The following CPNE8 variants were observed in gnomAD, a reference collection of about 807,000 sequenced individuals.
CPNE8 encodes copine 8, also known as copine-8.
Under a neutral mutation model 81.5 loss-of-function variants are expected in CPNE8, and 45 were observed. That is an observed-to-expected ratio of 0.55 (90% CI 0.44 to 0.71). CPNE8 has a LOEUF of 0.71. Among genes scored for constraint, CPNE8 ranks in the 30% least tolerant of loss-of-function variants. The probability of loss-of-function intolerance (pLI) is 0.00; values close to 1 mark genes in which losing one functional copy is unlikely to be tolerated. For missense variants in CPNE8, 594 were observed against 672.1 expected (o/e 0.88, Z 1.28); for synonymous variants, 252 against 226.3 (o/e 1.11, Z -1.02).
chr12:38,687,983 A>G (rs1169433834), intron 15 of CPNE8, among the ~76,000 whole-genome samples: 1 of 152,200 alleles, frequency 6.6e-6, no homozygotes, highest in Non-Finnish European at 1.5e-5. Context: ...CCTATTTAAC[A>G]TTCCTTTAAG....
chr12:38,906,611 A>C, upstream of CPNE8: 2 of 985,526 alleles, frequency 2.0e-6, no homozygotes, highest in Non-Finnish European at 2.4e-6. Context: ...GAGAGGAGTC[A>C]GAGTGAGCGC....
chr12:38,787,220 T>G (rs532386045), intron 6 of CPNE8, among the ~76,000 whole-genome samples: 1 of 152,114 alleles, frequency 6.6e-6, no homozygotes, highest in East Asian at 1.9e-4. Flanking sequence ...AAAACAAGTC[T>G]AAAAACATTC....
At chr12:38,763,154 G>C (rs1371571392) in intron 8 of CPNE8, among the ~76,000 whole-genome samples, 1 of 152,254 alleles carries the variant, frequency 6.6e-6, no homozygotes, top group Non-Finnish European at 1.5e-5. Flanking sequence ...ACTGTGCCCA[G>C]CCGGGAGCAA....
At chr12:38,711,538 G>A (rs1053002361) in intron 13 of CPNE8, among the ~76,000 whole-genome samples, 1 of 150,626 alleles carries the variant, frequency 6.6e-6, no homozygotes, top group South Asian at 2.1e-4. Context: ...GCGCAATCTC[G>A]GCTCACTGCA....
intron 10 of CPNE8, among the ~76,000 whole-genome samples, chr12:38,748,592 C>T (rs1160359698): frequency 6.6e-6 from 1 of 152,032 alleles, no homozygotes; most frequent in Non-Finnish European, 1.5e-5. Flanking sequence ...GCTCTGCCTC[C>T]CTGGTTCATG....
At chr12:38,673,861 G>T (rs556506928) in intron 18 of CPNE8, among the ~76,000 whole-genome samples, 1 of 152,172 alleles carries the variant, frequency 6.6e-6, no homozygotes, top group Admixed American at 6.6e-5. Context: ...ATTTCTCTCG[G>T]TGGCATGCTT....
Position 38,791,360 on chromosome 12 carries a change from A to G in CPNE8, c.408-15059T>C, listed in dbSNP as rs562837045. Among the ~76,000 whole-genome samples the G allele has an allele frequency of 4.6e-5, 7 of 151,756 alleles. No homozygotes were observed. The South Asian group carries it at 1.4e-3, about 31-fold the overall frequency. ...AAACACAGACTAAAATGGACCATAT[A>G]CTATGTTATAGAATAGTTATTAAAA... On this transcript the variant is annotated intron_variant, in intron 6 of 19. Transcript: ENST00000331366.
rs1340978732 is a variant in CPNE8 at position 38,905,443 on chromosome 12, G to C, written c.92C>G (p.Ser31Cys). The C allele has an allele frequency of 6.4e-7, 1 of 1,563,910 alleles. No homozygotes were observed. Among genetic ancestry groups the C allele is most frequent in the East Asian group, 2.4e-5 (1 of 42,484 alleles). The change falls in exon 1 of 20, where the codon TCC becomes TGC. Residue 31 changes from serine to cysteine, a missense_variant. By Grantham distance (112) the Ser-to-Cys change is moderately radical. Transcript: ENST00000331366. ...IPATRVEVSV[S>C]CRNLLDRDTF... ...GGAAGGGCTGCGTCCTCACCTGCAGGACACGGACACCTCCACCCGCGTGGC... is the reference window on the plus strand; with the variant it reads ...GGAAGGGCTGCGTCCTCACCTGCAGCACACGGACACCTCCACCCGCGTGGC...
At position 38,769,353 on chromosome 12, in the gene CPNE8, A is replaced by AACCTCAT. The variant is rs1365166202; in HGVS notation, c.472-1616_472-1615insATGAGGT. Among the ~76,000 whole-genome samples, 61 of 152,338 alleles carry AACCTCAT rather than the reference A, an allele frequency of 4.0e-4. No homozygotes were observed. The East Asian group carries it at 0.011, about 28-fold the overall frequency. On this transcript the variant is annotated intron_variant, in intron 7 of 19. Transcript: ENST00000331366. ...CAATATGGACATCACTATCACCTCA[A>AACCTCAT]ACCTCTCAAGCATATCATGTTCTTT...
intron 7 of CPNE8, among the ~76,000 whole-genome samples, chr12:38,770,204 C>G (rs543994357): frequency 6.6e-6 from 1 of 152,340 alleles, no homozygotes; most frequent in East Asian, 1.9e-4. Flanking sequence ...ATCTGAACAT[C>G]TAACGTCTAT....
intron 2 of CPNE8, 119 bp downstream of exon 2, chr12:38,874,352 G>T: frequency 1.4e-6 from 1 of 719,530 alleles, no homozygotes; most frequent in African/African-American, 1.8e-5. Context: ...TGTAGGGCTT[G>T]GGACCATTCT....
At chr12:38,884,690 T>A (rs1432795409) in intron 1 of CPNE8, among the ~76,000 whole-genome samples, 2 of 152,176 alleles carry the variant, frequency 1.3e-5, no homozygotes, top group Non-Finnish European at 1.5e-5. Context: ...TCCTCTCCAA[T>A]GTTATTGTCA....
At chr12:38,726,526 A>AAGGT (rs1385585243) in intron 11 of CPNE8, 1 of 152,174 alleles carries the variant, frequency 6.6e-6, no homozygotes, top group Admixed American at 6.5e-5. Context: ...TTGGAGGAGA[A>AAGGT]AGGTAATGTT....
At chr12:38,796,177 C>T (rs1447934267) in intron 6 of CPNE8, among the ~76,000 whole-genome samples, 1 of 152,072 alleles carries the variant, frequency 6.6e-6, no homozygotes, top group African/African-American at 2.4e-5. Context: ...ATTCCAGCTA[C>T]TTGGGAGGCT....
At chr12:38,709,098 T>C (rs1373147347) in intron 13 of CPNE8, among the ~76,000 whole-genome samples, 1 of 152,206 alleles carries the variant, frequency 6.6e-6, no homozygotes, top group Non-Finnish European at 1.5e-5. Flanking sequence ...ATTCTTTCTA[T>C]ATTGGTACCA....
chr12:38,780,203 TA>T (rs1942021082), intron 6 of CPNE8, among the ~76,000 whole-genome samples: 1 of 152,060 alleles, frequency 6.6e-6, no homozygotes, highest in South Asian at 2.1e-4. Flanking sequence ...GGTTCCCTTG[TA>T]AAAAATCAGT....
At chr12:38,728,621 G>A (rs1412538180) in intron 11 of CPNE8, among the ~76,000 whole-genome samples, 1 of 151,988 alleles carries the variant, frequency 6.6e-6, no homozygotes, top group Admixed American at 6.6e-5. Context: ...AGAACCATGG[G>A]ACACCATTAA....
chr12:38,791,125 C>T (rs996308419), intron 6 of CPNE8, among the ~76,000 whole-genome samples: 4 of 151,620 alleles, frequency 2.6e-5, no homozygotes, highest in African/African-American at 4.8e-5. Context: ...TAATTTTAAA[C>T]TTATTAAATA....
intron 6 of CPNE8, among the ~76,000 whole-genome samples, chr12:38,782,563 A>C (rs1592083697): frequency 6.6e-6 from 1 of 152,210 alleles, no homozygotes; most frequent in Admixed American, 6.5e-5. Flanking sequence ...ACTCAGAAAG[A>C]AAGACCTAGA....
Sources: gnomAD v4.1 joint callset for allele counts (sites outside exome capture counted in the v4.1 genomes callset) on GRCh38, gnomAD v4.1.1 for gene constraint, MANE v1.5 for transcripts, NCBI Gene and HGNC (gene_info 2026-07-23, HGNC 2026-07-21) for gene names.